The following ALDH5A1 variants were observed in gnomAD, a reference collection of about 807,000 sequenced individuals.
ALDH5A1 encodes aldehyde dehydrogenase 5 family member A1.
In ALDH5A1, 33 loss-of-function variants were observed where a neutral mutation model predicts 54.7. The observed-to-expected ratio is 0.60, with a 90% confidence interval of 0.46 to 0.81. ALDH5A1 has a LOEUF of 0.81. Ranked by LOEUF, ALDH5A1 falls within the 30% of genes least tolerant of loss-of-function variation. The pLI is 0.00. For synonymous variants in ALDH5A1, 294 were observed against 292.7 expected (o/e 1.00, Z -0.05); for missense variants, 657 against 711.0 (o/e 0.92, Z 0.86).
intron 8 of ALDH5A1, chr6:24,531,896 C>T (rs1014355688): frequency 4.0e-5 from 23 of 579,180 alleles, no homozygotes; most frequent in Non-Finnish European, 6.2e-5. Context: ...TTTTCTTGTT[C>T]TCTTAGGAGA....
At chr6:24,531,887 T>C in intron 8 of ALDH5A1, 1 of 565,140 alleles carries the variant, frequency 1.8e-6, no homozygotes, top group East Asian at 3.0e-5. Context: ...GGTCTGCTTT[T>C]TTCTTGTTCT....
At chr6:24,526,229 T>C (rs1198676948) in intron 7 of ALDH5A1, among the ~76,000 whole-genome samples, 1 of 152,062 alleles carries the variant, frequency 6.6e-6, no homozygotes, top group African/African-American at 2.4e-5. Flanking sequence ...GACAACTCAG[T>C]CCTTCATTCA....
chr6:24,503,483 T>C, intron 3 of ALDH5A1, 50 bp downstream of exon 3: 1 of 1,595,538 alleles, frequency 6.3e-7, no homozygotes, highest in Non-Finnish European at 8.5e-7. Flanking sequence ...GGATAGGGAG[T>C]TGGGAAACAA....
intron 5 of ALDH5A1, among the ~76,000 whole-genome samples, chr6:24,516,312 T>C (rs897333842): frequency 6.6e-6 from 1 of 151,308 alleles, no homozygotes; most frequent in African/African-American, 2.4e-5. Flanking sequence ...GGCGGGCGCC[T>C]GTAGTCCCAC....
intron 4 of ALDH5A1, among the ~76,000 whole-genome samples, chr6:24,506,018 G>GA (rs1759337953): frequency 6.6e-6 from 1 of 151,334 alleles, no homozygotes; most frequent in Admixed American, 6.6e-5. Context: ...CCCCTCCTCT[G>GA]CTTTGCTTTT....
intron 2 of ALDH5A1, 118 bp from the exon 3 acceptor site, chr6:24,503,145 A>C (rs1165690355): frequency 7.9e-7 from 1 of 1,265,860 alleles, no homozygotes; most frequent in Non-Finnish European, 1.1e-6. Context: ...TCCCCACTCT[A>C]TGGGTATCGT....
intron 7 of ALDH5A1, among the ~76,000 whole-genome samples, chr6:24,527,518 G>A (rs1230340117): frequency 1.3e-5 from 2 of 152,182 alleles, no homozygotes; most frequent in Admixed American, 1.3e-4. Flanking sequence ...GTTGCAGTGA[G>A]CCAAGGTCAT....
At chr6:24,511,388 T>C (rs1759458342) in intron 4 of ALDH5A1, among the ~76,000 whole-genome samples, 1 of 152,198 alleles carries the variant, frequency 6.6e-6, no homozygotes, top group Non-Finnish European at 1.5e-5. Flanking sequence ...TGGAGAAGTT[T>C]TCCTCGATTA....
At chr6:24,515,818 A>C (rs1759560649) in intron 5 of ALDH5A1, among the ~76,000 whole-genome samples, 1 of 152,206 alleles carries the variant, frequency 6.6e-6, no homozygotes, top group Non-Finnish European at 1.5e-5. Flanking sequence ...CCTGCTTGAC[A>C]AAACCAAAGA....
Position 24,520,856 on chromosome 6 carries a change from T to G in ALDH5A1, c.1014+312T>G, listed in dbSNP as rs1169713691. 4.6e-5 allele frequency among the ~76,000 whole-genome samples: 7 copies of G among 152,236 alleles called. No individual in the cohort carries two copies. The East Asian group carries it at 1.2e-3, about 25-fold the overall frequency. On this transcript the variant is annotated intron_variant, in intron 6 of 9. Transcript: ENST00000357578. ...CAGTCCCTGGCTTCAAATAATTTTC[T>G]GAACAGCAGATGTCCTTTAGTCAAA...
At chr6:24,495,992 G>A (rs888455530) in intron 1 of ALDH5A1, among the ~76,000 whole-genome samples, 2 of 152,158 alleles carry the variant, frequency 1.3e-5, no homozygotes, top group African/African-American at 4.8e-5. Context: ...CCATTAAATG[G>A]GAAGAATAGA....
chr6:24,497,848 T>C (rs1340602423), intron 1 of ALDH5A1, among the ~76,000 whole-genome samples: 1 of 152,142 alleles, frequency 6.6e-6, no homozygotes, highest in Admixed American at 6.6e-5. Flanking sequence ...AGCAGAGATA[T>C]GATCTGATTT....
intron 7 of ALDH5A1, among the ~76,000 whole-genome samples, chr6:24,526,844 C>CTATATATATATATTCTATA (rs1561878317): frequency 7.5e-6 from 1 of 132,792 alleles, no homozygotes; most frequent in Admixed American, 7.5e-5. Flanking sequence ...TATATCTTCT[C>CTATATATATATATTCTATA]TATATATATA....
In ALDH5A1 at chr6:24,515,217, T is replaced by C; in HGVS notation, c.777T>C (p.Cys259=). 6.2e-7 allele frequency: 1 copy of C among 1,613,810 alleles called. No homozygotes were observed. The highest frequency in any genetic ancestry group is 1.3e-5 in the African/African-American group (1 of 74,940). The change falls in exon 5 of 10, where the codon TGT becomes TGC. Residue 259 remains cysteine (C), a synonymous_variant. Coordinates refer to ENST00000357578, the MANE Select transcript of ALDH5A1 (RefSeq NM_001080.3). ...IPSGVYNVIP[C]SRKNAKEVGE... ...CAGGTGTATACAATGTTATTCCCTGTTCTCGAAAGAATGCCAAGGAAGTAG... is the reference window on the plus strand; with the variant it reads ...CAGGTGTATACAATGTTATTCCCTGCTCTCGAAAGAATGCCAAGGAAGTAG...
At chr6:24,495,563 T>G (rs1159252970) in intron 1 of ALDH5A1, among the ~76,000 whole-genome samples, 2 of 152,174 alleles carry the variant, frequency 1.3e-5, no homozygotes, top group Non-Finnish European at 2.9e-5. Flanking sequence ...ACACGACCCC[T>G]GCCCTCAAGC....
rs1261800997 is a variant in ALDH5A1, at chr6:24,495,113, C to T, written c.117C>T (p.Pro39=). The T allele has an allele frequency of 3.1e-6, 4 of 1,310,954 alleles. No homozygotes were observed. Among genetic ancestry groups the T allele is most frequent in the Non-Finnish European group, 3.9e-6 (4 of 1,038,646 alleles). 81.2% of individuals were successfully genotyped at this position (1,310,954 alleles called of 1,614,324 possible). ...TGGTCCCTGCCTCCGGGCCTGCGCC[C>T]GGCCCGGCCCAGCTCCGCTGCTACG... ...GGLVPASGPA[P]GPAQLRCYAG... is the part of the protein sequence containing the mutation. The change falls in exon 1 of 10, where the codon CCC becomes CCT. Residue 39 remains proline, a synonymous_variant. Transcript: ENST00000357578.
intron 7 of ALDH5A1, among the ~76,000 whole-genome samples, chr6:24,526,974 GTATA>G (rs58873176): frequency 0.016 from 479 of 30,580 alleles, 10 homozygotes; most frequent in African/African-American, 0.03. Context: ...ATGTGTGTGT[GTATA>G]TATATATATA....
intron 4 of ALDH5A1, among the ~76,000 whole-genome samples, chr6:24,507,802 T>C (rs1222111655): frequency 1.3e-5 from 2 of 152,210 alleles, no homozygotes; most frequent in Non-Finnish European, 2.9e-5. Flanking sequence ...TTTATTTCCA[T>C]AGGTTATTGG....
intron 7 of ALDH5A1, among the ~76,000 whole-genome samples, chr6:24,526,938 T>G (rs375198882): frequency 1.5e-4 from 17 of 115,116 alleles, no homozygotes; most frequent in Non-Finnish European, 2.7e-4. Flanking sequence ...TACTATATAT[T>G]CTATATATAT....
Sources: allele counts gnomAD v4.1 joint callset (sites outside exome capture counted in the v4.1 genomes callset), GRCh38; gene constraint gnomAD v4.1.1; transcripts MANE v1.5; gene names NCBI Gene and HGNC (gene_info 2026-07-23, HGNC 2026-07-21).